Variants in SLIT1 observed in about 807,000 individuals in gnomAD.
SLIT1 encodes slit guidance ligand 1, also known as slit homolog 1 protein.
A neutral mutation model predicts 186.1 loss-of-function variants in SLIT1; 66 were observed. That is an observed-to-expected ratio of 0.35 (90% CI 0.29 to 0.44). The LOEUF (loss-of-function observed/expected upper bound fraction) is 0.44, where lower values mean the gene tolerates loss of function less well. SLIT1 is among the 20% of genes least tolerant of loss of function. The pLI is 1.00. For missense variants in SLIT1, 1,638 were observed against 2,037.4 expected, an observed-to-expected ratio of 0.80 and a Z score of 3.77; for synonymous variants, 761 against 833.8, an observed-to-expected ratio of 0.91 and a Z score of 1.50.
chr10:97,044,826 CAATAA>C (rs1848721408), intron 18 of SLIT1, among the ~76,000 whole-genome samples: 1 of 152,190 alleles, frequency 6.6e-6, no homozygotes, highest in Non-Finnish European at 1.5e-5. Flanking sequence ...GTGAACTTCA[CAATAA>C]AGATATTGTC....
intron 26 of SLIT1, among the ~76,000 whole-genome samples, chr10:97,020,508 G>T (rs769695494): frequency 9.2e-5 from 14 of 152,338 alleles, no homozygotes; most frequent in Admixed American, 7.8e-4. Flanking sequence ...CGCAGATCAG[G>T]CCCCCCGGAG....
intron 4 of SLIT1, among the ~76,000 whole-genome samples, chr10:97,091,432 G>A (rs901388185): frequency 6.6e-6 from 1 of 152,118 alleles, no homozygotes; most frequent in African/African-American, 2.4e-5. Context: ...TTACTGTCTG[G>A]TAGAAAAAAT....
At chr10:97,014,756 C>T (rs543760054) in intron 28 of SLIT1, among the ~76,000 whole-genome samples, 1 of 152,112 alleles carries the variant, frequency 6.6e-6, no homozygotes, top group South Asian at 2.1e-4. Context: ...ATCCCAACTA[C>T]TCGGGAGGCT....
At chr10:97,031,512 G>T in intron 24 of SLIT1, 94 bp downstream of exon 24, 1 of 947,422 alleles carries the variant, frequency 1.1e-6, no homozygotes, top group Non-Finnish European at 1.6e-6. Flanking sequence ...CACAGCGTGG[G>T]CCCTAGACAT....
At chr10:97,183,483 C>T (rs1850369415) in intron 1 of SLIT1, among the ~76,000 whole-genome samples, 1 of 152,176 alleles carries the variant, frequency 6.6e-6, no homozygotes, top group African/African-American at 2.4e-5. Flanking sequence ...CCCCATTTTC[C>T]TGATGGAAAG....
intron 4 of SLIT1, among the ~76,000 whole-genome samples, chr10:97,134,596 AG>A (rs1849684620): frequency 6.6e-6 from 1 of 152,128 alleles, no homozygotes; most frequent in Non-Finnish European, 1.5e-5. Flanking sequence ...GCCTCTTCAT[AG>A]GACAAAATTC....
At chr10:97,167,118 T>C (rs1398433093) in intron 1 of SLIT1, among the ~76,000 whole-genome samples, 3 of 152,204 alleles carry the variant, frequency 2.0e-5, no homozygotes, top group Non-Finnish European at 2.9e-5. Context: ...ACACAAGCCA[T>C]TGGTGAGAGT....
At chr10:97,042,193 G>A (rs1027426120) in intron 20 of SLIT1, among the ~76,000 whole-genome samples, 2 of 152,106 alleles carry the variant, frequency 1.3e-5, no homozygotes, top group Admixed American at 6.5e-5. Context: ...CTGGGAGTAG[G>A]CTGCAGGGGG....
At chr10:97,019,381 G>A (rs1182961407) in intron 26 of SLIT1, among the ~76,000 whole-genome samples, 5 of 152,160 alleles carry the variant, frequency 3.3e-5, no homozygotes, top group African/African-American at 4.8e-5. Flanking sequence ...GCAGGCGGGC[G>A]GGCACTGTGC....
At position 97,031,538 on chromosome 10, in the gene SLIT1, C is replaced by T. The variant is rs1848590605; in HGVS notation, c.2510+68G>A. Reference sequence around the variant, plus strand: ...CCCTAGACATGGGAACATTTCTGCCCACCAGGTGGGTGGCAGGACCCTCAG... The same window carrying T: ...CCCTAGACATGGGAACATTTCTGCCTACCAGGTGGGTGGCAGGACCCTCAG... On this transcript the variant is annotated intron_variant, in intron 24 of 36. Coordinates refer to ENST00000266058, the MANE Select transcript of SLIT1 (RefSeq NM_003061.3). 5 of 1,282,468 alleles carry T rather than the reference C, an allele frequency of 3.9e-6. No homozygotes were observed. The East Asian group carries it at 1.0e-4, about 26-fold the overall frequency. 79.4% of individuals were successfully genotyped at this position (1,282,468 alleles called of 1,614,324 possible).
chr10:97,105,497 G>C (rs916198985), intron 4 of SLIT1, among the ~76,000 whole-genome samples: 50 of 152,124 alleles, frequency 3.3e-4, no homozygotes, highest in Admixed American at 3.9e-4. Flanking sequence ...ACATCGCAGG[G>C]GCCTCCAGTG....
At chr10:97,048,646 T>C (rs1334614714) in intron 14 of SLIT1, among the ~76,000 whole-genome samples, 2 of 152,172 alleles carry the variant, frequency 1.3e-5, no homozygotes, top group African/African-American at 4.8e-5. Context: ...TTCACAGTAA[T>C]GAAAGACACC....
In SLIT1 at chr10:97,162,519, G is replaced by A. The variant is rs558821852; in HGVS notation, c.341+861C>T. 3.9e-5 allele frequency among the ~76,000 whole-genome samples: 6 copies of A among 152,170 alleles called. No individual in the cohort carries two copies. In the South Asian group the frequency reaches 6.2e-4, roughly 16 times the overall value. Reference sequence around the variant, plus strand: ...TCCCAGCTACTCGGGAGGCTGAGGCGGGGGAATCGCTTGAACCCGGGAGGT... The same window carrying A: ...TCCCAGCTACTCGGGAGGCTGAGGCAGGGGAATCGCTTGAACCCGGGAGGT... On this transcript the variant is annotated intron_variant, in intron 3 of 36. Transcript: ENST00000266058.
At chr10:97,008,498 C>T (rs1174962308) in intron 31 of SLIT1, among the ~76,000 whole-genome samples, 1 of 152,132 alleles carries the variant, frequency 6.6e-6, no homozygotes, top group East Asian at 1.9e-4. Flanking sequence ...AGTTCAAGAC[C>T]AGCCTGGCTA....
chr10:97,099,152 G>GC (rs933106764), intron 4 of SLIT1, among the ~76,000 whole-genome samples: 9 of 43,166 alleles, frequency 2.1e-4, no homozygotes, highest in African/African-American at 3.0e-4. Context: ...TGTCCAGTTT[G>GC]GGGGGATGCT....
At chr10:97,127,431 T>C (rs575543428) in intron 4 of SLIT1, among the ~76,000 whole-genome samples, 13 of 152,300 alleles carry the variant, frequency 8.5e-5, no homozygotes, top group African/African-American at 2.4e-5. Context: ...GTTAGGACAA[T>C]GTCTATGCAG....
chr10:97,046,040 A>G (rs956344977), intron 18 of SLIT1, among the ~76,000 whole-genome samples: 6 of 152,294 alleles, frequency 3.9e-5, no homozygotes, highest in African/African-American at 1.2e-4. Flanking sequence ...GACTTGAAAC[A>G]TTTCCATCTC....
At chr10:97,111,739 C>T (rs1353076361) in intron 4 of SLIT1, among the ~76,000 whole-genome samples, 1 of 152,210 alleles carries the variant, frequency 6.6e-6, no homozygotes, top group Non-Finnish European at 1.5e-5. Flanking sequence ...TGCTGCAGCT[C>T]ACCTGGGAGC....
intron 4 of SLIT1, among the ~76,000 whole-genome samples, chr10:97,098,790 A>C (rs974770084): frequency 1.3e-5 from 2 of 152,146 alleles, no homozygotes; most frequent in African/African-American, 4.8e-5. Flanking sequence ...TCCTTAAAGC[A>C]CCAGTGATGG....
Sources: allele counts gnomAD v4.1 joint callset (sites outside exome capture counted in the v4.1 genomes callset), GRCh38; gene constraint gnomAD v4.1.1; transcripts MANE v1.5; gene names NCBI Gene and HGNC (gene_info 2026-07-23, HGNC 2026-07-21).